Variants in MSI2 observed in about 807,000 individuals in gnomAD.
MSI2 encodes RNA-binding protein Musashi homolog 2.
In MSI2, 17 loss-of-function variants were observed where a neutral mutation model predicts 45.6. The observed-to-expected ratio is 0.37, with a 90% CI of 0.26 to 0.56. The LOEUF is 0.56. Among genes scored for constraint, MSI2 ranks in the 20% least tolerant of loss-of-function variants. MSI2 has a pLI of 0.77. For missense variants in MSI2, 293 were observed against 444.2 expected (o/e 0.66, Z 3.06); for synonymous variants, 156 against 158.2 (o/e 0.99, Z 0.11).
chr17:57,665,217 GA>G (rs919440696), intron 11 of MSI2, among the ~76,000 whole-genome samples: 4 of 152,176 alleles, frequency 2.6e-5, no homozygotes, highest in Non-Finnish European at 5.9e-5. Flanking sequence ...CTCATAGAGG[GA>G]CCCTCCTGTC....
intron 7 of MSI2, among the ~76,000 whole-genome samples, chr17:57,543,868 T>C (rs2087106794): frequency 6.6e-6 from 1 of 152,236 alleles, no homozygotes; most frequent in Non-Finnish European, 1.5e-5. Context: ...TTTTTAGAAC[T>C]CTAGCTTTTA....
intron 6 of MSI2, among the ~76,000 whole-genome samples, chr17:57,468,244 C>T (rs1418711600): frequency 2.6e-5 from 4 of 151,558 alleles, no homozygotes; most frequent in East Asian, 3.9e-4. Flanking sequence ...CAAGCAGTGG[C>T]GGCCCAGTAC....
intron 10 of MSI2, chr17:57,633,088 C>G (rs1489275718): frequency 1.9e-6 from 2 of 1,033,870 alleles, no homozygotes. Context: ...TTTTCTTCAT[C>G]TCTGTAAATA....
intron 5 of MSI2, among the ~76,000 whole-genome samples, chr17:57,339,292 G>A (rs115554998): frequency 0.015 from 2,269 of 152,264 alleles, 63 homozygotes; most frequent in African/African-American, 0.052. Context: ...ATCGTCTCAC[G>A]GATTGATTCA....
intron 6 of MSI2, among the ~76,000 whole-genome samples, chr17:57,524,439 T>C (rs2086656774): frequency 2.0e-5 from 3 of 152,262 alleles, no homozygotes; most frequent in Admixed American, 6.5e-5. Context: ...GCCTCATACA[T>C]GCATGTTGCA....
In MSI2 at chr17:57,507,223, CTCTGTGTGTGTGTGTGTGTGTGTG is replaced by C. The variant is rs1291824256; in HGVS notation, c.406-22451_406-22428del. Among the ~76,000 whole-genome samples, 66 of 109,890 alleles carry C rather than the reference CTCTGTGTGTGTGTGTGTGTGTGTG, an allele frequency of 6.0e-4. 3 individuals are homozygous for C. Among genetic ancestry groups the C allele is most frequent in the South Asian group, 1.7e-3 (5 of 2,984 alleles). The allele number at this position is 109,890 out of a possible 152,430, so 72.1% of individuals were successfully genotyped here. A position where few individuals can be genotyped will look rare whatever the true frequency, so the allele number is the denominator to read the frequency against. Reference sequence around the variant, plus strand: ...TTCCCATTGGTTTTTGTCTTTGTCTCTCTGTGTGTGTGTGTGTGTGTGTGTGTGTGTGTGTGTGTGTGTGTGTGT... The same window carrying C: ...TTCCCATTGGTTTTTGTCTTTGTCTCTGTGTGTGTGTGTGTGTGTGTGTGT... On this transcript the variant is annotated intron_variant, in intron 6 of 13. Coordinates refer to ENST00000284073, the MANE Select transcript of MSI2 (RefSeq NM_138962.4).
chr17:57,356,187 T>A (rs1916401892), intron 5 of MSI2, among the ~76,000 whole-genome samples: 4 of 152,250 alleles, frequency 2.6e-5, no homozygotes, highest in African/African-American at 9.6e-5. Context: ...TCTTTTTTAA[T>A]CTTTTGCTTA....
chr17:57,424,784 T>C (rs2143324634), intron 6 of MSI2, among the ~76,000 whole-genome samples: 1 of 152,154 alleles, frequency 6.6e-6, no homozygotes, highest in South Asian at 2.1e-4. Context: ...GCCTGATGAC[T>C]CTAGGGCAGG....
At chr17:57,587,232 A>G (rs1904377635) in intron 7 of MSI2, among the ~76,000 whole-genome samples, 1 of 152,184 alleles carries the variant, frequency 6.6e-6, no homozygotes, top group African/African-American at 2.4e-5. Flanking sequence ...TCGCCAGGTT[A>G]TGGTGGCCAA....
At chr17:57,421,357 A>G (rs371532338) in intron 6 of MSI2, among the ~76,000 whole-genome samples, 5 of 152,112 alleles carry the variant, frequency 3.3e-5, no homozygotes, top group Admixed American at 6.5e-5. Flanking sequence ...TTGTGTGTGT[A>G]TGTAGGGCGT....
At chr17:57,283,133 T>G (rs1265555665) in intron 5 of MSI2, among the ~76,000 whole-genome samples, 1 of 152,132 alleles carries the variant, frequency 6.6e-6, no homozygotes, top group Non-Finnish European at 1.5e-5. Context: ...GGGCTTGCCA[T>G]TTTTGGAAGA....
chr17:57,440,184 C>T (rs140541554), intron 6 of MSI2, among the ~76,000 whole-genome samples: 25 of 152,216 alleles, frequency 1.6e-4, no homozygotes, highest in Non-Finnish European at 2.8e-4. Context: ...GAGGAGGCAG[C>T]GATGGGTGCC....
intron 5 of MSI2, chr17:57,285,867 T>G (rs1909825629): frequency 6.6e-7 from 1 of 1,516,394 alleles, no homozygotes. Flanking sequence ...GTTCTGATTT[T>G]CCGAACAGGT....
At chr17:57,559,195 A>G (rs1050385671) in intron 7 of MSI2, among the ~76,000 whole-genome samples, 9 of 152,258 alleles carry the variant, frequency 5.9e-5, no homozygotes, top group African/African-American at 2.2e-4. Flanking sequence ...ACAAAGTGAG[A>G]TGGAACCCTG....
At chr17:57,480,654 G>C (rs1018317389) in intron 6 of MSI2, among the ~76,000 whole-genome samples, 1 of 152,208 alleles carries the variant, frequency 6.6e-6, no homozygotes, top group Admixed American at 6.5e-5. Flanking sequence ...CCGCAGAGAC[G>C]AGGCACTATA....
chr17:57,489,964 T>C (rs2143799674), intron 6 of MSI2, among the ~76,000 whole-genome samples: 1 of 152,278 alleles, frequency 6.6e-6, no homozygotes, highest in East Asian at 1.9e-4. Flanking sequence ...GATTGGAAAG[T>C]CCAGATGTTG....
intron 6 of MSI2, among the ~76,000 whole-genome samples, chr17:57,517,954 C>T (rs1275160894): frequency 3.3e-5 from 5 of 152,170 alleles, no homozygotes; most frequent in African/African-American, 1.2e-4. Context: ...ATTTTTTCAT[C>T]TGTGCTCTGC....
intron 9 of MSI2, among the ~76,000 whole-genome samples, chr17:57,617,231 CAT>C (rs1317417332): frequency 2.0e-5 from 3 of 152,186 alleles, no homozygotes; most frequent in Non-Finnish European, 4.4e-5. Flanking sequence ...TAATTCTCCT[CAT>C]ATGAATTTTT....
chr17:57,623,849 G>A (rs1370309926), intron 9 of MSI2, among the ~76,000 whole-genome samples: 1 of 152,254 alleles, frequency 6.6e-6, no homozygotes, highest in Non-Finnish European at 1.5e-5. Context: ...CTGCACAGCA[G>A]TAAATGAAGA....
Sources: allele counts gnomAD v4.1 joint callset (sites outside exome capture counted in the v4.1 genomes callset), GRCh38; gene constraint gnomAD v4.1.1; transcripts MANE v1.5; gene names NCBI Gene and HGNC (gene_info 2026-07-23, HGNC 2026-07-21).